Variants in EGFLAM observed in about 807,000 individuals in gnomAD.
EGFLAM encodes EGF like, fibronectin type III and laminin G domains, also known as pikachurin.
Under a neutral mutation model 113.1 loss-of-function variants are expected in EGFLAM, and 79 were observed. The observed-to-expected ratio is 0.70, with a 90% CI of 0.58 to 0.84. The LOEUF (loss-of-function observed/expected upper bound fraction) is 0.84, where lower values mean the gene tolerates loss of function less well. Ranked by LOEUF, EGFLAM falls within the 40% of genes least tolerant of loss-of-function variation. The probability of loss-of-function intolerance (pLI) is 0.00; values close to 1 mark genes in which losing one functional copy is unlikely to be tolerated. For synonymous variants in EGFLAM, 504 were observed against 487.6 expected (o/e 1.03, Z -0.44); for missense variants, 1,265 against 1,291.6 (o/e 0.98, Z 0.32).
At chr5:38,454,886 T>A (rs1743035746) in intron 19 of EGFLAM, among the ~76,000 whole-genome samples, 1 of 152,214 alleles carries the variant, frequency 6.6e-6, no homozygotes. Context: ...TGTATATATG[T>A]ATATATATTT....
At position 38,451,371 on chromosome 5, in the gene EGFLAM, G is replaced by A; in HGVS notation, c.2600G>A (p.Gly867Asp). The A allele has an allele frequency of 6.2e-7, 1 of 1,614,218 alleles. No individual in the cohort carries two copies. The highest frequency in any genetic ancestry group is 8.5e-7 in the Non-Finnish European group (1 of 1,180,024). Reference sequence around the variant, plus strand: ...AGGTTTAAAACAACTGCCAAGGATGGCCTTTTGCTGTGGAGGGGAGACAGC... The same window carrying A: ...AGGTTTAAAACAACTGCCAAGGATGACCTTTTGCTGTGGAGGGGAGACAGC... ...FMRFKTTAKD[G>D]LLLWRGDSPM... Residue 867 changes from glycine to aspartate, a missense_variant, in exon 19 of 22, where the codon GGC (glycine) becomes GAC (aspartate). Physicochemically the swap from Gly to Asp is moderately conservative, Grantham distance 94. Transcript: ENST00000322350.
At chr5:38,321,886 A>C (rs1368610608) in intron 1 of EGFLAM, among the ~76,000 whole-genome samples, 1 of 152,204 alleles carries the variant, frequency 6.6e-6, no homozygotes, top group Non-Finnish European at 1.5e-5. Flanking sequence ...AAAAACCTAC[A>C]AGTCGTTAAA....
rs571361241 is a variant in EGFLAM, at chr5:38,395,033, C to T, written c.713-11093C>T. 4.7e-4 allele frequency among the ~76,000 whole-genome samples: 71 copies of T among 152,062 alleles called. 1 individual carries two copies. The highest frequency in any genetic ancestry group is 1.6e-3 in the African/African-American group (65 of 41,486). On this transcript the variant is annotated intron_variant, in intron 6 of 21. Coordinates refer to ENST00000322350, the MANE Select transcript of EGFLAM (RefSeq NM_152403.4). Reference sequence around the variant, plus strand: ...TCGGCTCACTACAACCTTCGCCTCCCGGATTCAAGCGATTTTCCTGTCTCA... The same window carrying T: ...TCGGCTCACTACAACCTTCGCCTCCTGGATTCAAGCGATTTTCCTGTCTCA...
At chr5:38,330,692 T>C (rs1023288488) in intron 1 of EGFLAM, among the ~76,000 whole-genome samples, 2 of 152,216 alleles carry the variant, frequency 1.3e-5, no homozygotes, top group African/African-American at 4.8e-5. Flanking sequence ...ACTTGCAATT[T>C]TTCCCAGAGC....
chr5:38,455,963 G>A (rs371514501), intron 19 of EGFLAM, among the ~76,000 whole-genome samples: 2 of 152,116 alleles, frequency 1.3e-5, no homozygotes, highest in African/African-American at 2.4e-5. Context: ...TGGGTGTTCC[G>A]GACTGCTTTG....
rs118147324 is a variant in EGFLAM, at chr5:38,434,564, T to C, written c.2167-573T>C. Among the ~76,000 whole-genome samples the C allele has an allele frequency of 4.3e-4, 65 of 152,348 alleles. 1 individual carries two copies. The East Asian group carries it at 0.011, about 27-fold the overall frequency. On this transcript the variant is annotated intron_variant, in intron 15 of 21. Transcript: ENST00000322350. Reference sequence around the variant, plus strand: ...AATAATAACTTAACATTACCTAAAGTGTGTTCATTCCCAGAGCTCTCAAAT... The same window carrying C: ...AATAATAACTTAACATTACCTAAAGCGTGTTCATTCCCAGAGCTCTCAAAT...
intron 3 of EGFLAM, among the ~76,000 whole-genome samples, chr5:38,342,422 G>A (rs996760624): frequency 2.0e-5 from 3 of 152,134 alleles, no homozygotes; most frequent in Non-Finnish European, 4.4e-5. Flanking sequence ...AGATAGGACC[G>A]ATTACCTTAA....
intron 13 of EGFLAM, 124 bp downstream of exon 13, chr5:38,425,216 T>C (rs1741959933): frequency 1.4e-6 from 2 of 1,421,978 alleles, no homozygotes; most frequent in Non-Finnish European, 1.9e-6. Flanking sequence ...GCTCCCTCTC[T>C]TACCCAGGCC....
Position 38,413,907 on chromosome 5 carries a change from C to A in EGFLAM, c.1494+1259C>A, listed in dbSNP as rs542615006. Among the ~76,000 whole-genome samples the A allele has an allele frequency of 8.9e-4, 136 of 152,276 alleles. 1 individual carries two copies. The highest frequency in any genetic ancestry group is 3.1e-3 in the African/African-American group (129 of 41,542). On this transcript the variant is annotated intron_variant, in intron 11 of 21. Coordinates refer to ENST00000322350, the MANE Select transcript of EGFLAM (RefSeq NM_152403.4). ...CTCAGAAGGAGCGTGTAACCTGGAT[C>A]CCTCGCATGCGCAGTTCACAACAGG...
intron 5 of EGFLAM, among the ~76,000 whole-genome samples, chr5:38,362,061 A>T (rs1739937392): frequency 1.3e-5 from 2 of 152,090 alleles, no homozygotes; most frequent in East Asian, 3.9e-4. Flanking sequence ...CCAACATCTG[A>T]CCTCACCCAC....
At chr5:38,304,081 G>T (rs7720126) in intron 1 of EGFLAM, among the ~76,000 whole-genome samples, 62 of 151,534 alleles carry the variant, frequency 4.1e-4, no homozygotes, top group Admixed American at 2.0e-3. Flanking sequence ...GTGAGCCAAG[G>T]TCACGCCATT....
At chr5:38,449,319 T>C (rs539690285) in intron 18 of EGFLAM, among the ~76,000 whole-genome samples, 3 of 152,314 alleles carry the variant, frequency 2.0e-5, no homozygotes, top group East Asian at 1.9e-4. Flanking sequence ...TCCTAGGGCA[T>C]TGGATGTCCC....
At chr5:38,302,724 A>G (rs1163428761) in intron 1 of EGFLAM, among the ~76,000 whole-genome samples, 1 of 151,916 alleles carries the variant, frequency 6.6e-6, no homozygotes. Flanking sequence ...AAAAAAAAAA[A>G]AAAGAACATG....
At chr5:38,443,252 C>T (rs1472251666) in intron 17 of EGFLAM, among the ~76,000 whole-genome samples, 2 of 152,186 alleles carry the variant, frequency 1.3e-5, no homozygotes, top group South Asian at 2.1e-4. Flanking sequence ...GGTGACAGAG[C>T]GAGACTCTGT....
At chr5:38,282,350 A>C (rs1254423079) in intron 1 of EGFLAM, 1 of 152,264 alleles carries the variant, frequency 6.6e-6, no homozygotes, top group Non-Finnish European at 1.5e-5. Flanking sequence ...AAGGTTTCTT[A>C]TCAAGCAATT....
intron 3 of EGFLAM, 133 bp downstream of exon 3, chr5:38,338,914 A>G: frequency 1.3e-6 from 1 of 759,870 alleles, no homozygotes; most frequent in Admixed American, 2.3e-5. Context: ...TAGGATTTCC[A>G]AATGTCATTC....
Position 38,410,399 on chromosome 5 carries a change from A to G in EGFLAM, c.1349+1295A>G, listed in dbSNP as rs114123274. On this transcript the variant is annotated intron_variant, in intron 10 of 21. Transcript: ENST00000322350. ...GTTAGCTGGTAGCAGCTCTCCAACTATGTAACTCCTGCTGAGTGAATCTGC... is the reference window on the plus strand; with the variant it reads ...GTTAGCTGGTAGCAGCTCTCCAACTGTGTAACTCCTGCTGAGTGAATCTGC... Among the ~76,000 whole-genome samples, 401 of 152,288 alleles carry G rather than the reference A, an allele frequency of 2.6e-3. 2 individuals are homozygous for G. The highest frequency in any genetic ancestry group is 6.4e-3 in the South Asian group (31 of 4,820).
At chr5:38,284,779 C>T (rs1316683842) in intron 1 of EGFLAM, among the ~76,000 whole-genome samples, 1 of 152,170 alleles carries the variant, frequency 6.6e-6, no homozygotes, top group East Asian at 1.9e-4. Context: ...GAGTTAGCTT[C>T]AGTAGTTGCT....
intron 1 of EGFLAM, among the ~76,000 whole-genome samples, chr5:38,297,200 T>C (rs191150301): frequency 4.2e-4 from 64 of 152,334 alleles, no homozygotes; most frequent in Non-Finnish European, 7.5e-4. Flanking sequence ...TGTATTATGG[T>C]TATGTAAGAT....
Sources: gnomAD v4.1 joint callset for allele counts (sites outside exome capture counted in the v4.1 genomes callset) on GRCh38, gnomAD v4.1.1 for gene constraint, MANE v1.5 for transcripts, NCBI Gene and HGNC (gene_info 2026-07-23, HGNC 2026-07-21) for gene names.